The following MAN1A2 variants were observed in gnomAD, a reference collection of about 807,000 sequenced individuals.
The protein encoded by MAN1A2 is mannosyl-oligosaccharide 1,2-alpha-mannosidase IB.
MAN1A2 carries 26 observed loss-of-function variants against 75.7 expected under a neutral mutation model. That is an observed-to-expected ratio of 0.34 (90% CI 0.25 to 0.48). MAN1A2 has a LOEUF of 0.48. Among genes scored for constraint, MAN1A2 ranks in the 20% least tolerant of loss-of-function variants. The probability of loss-of-function intolerance (pLI) is 0.99; values close to 1 mark genes in which losing one functional copy is unlikely to be tolerated. For synonymous variants in MAN1A2, 247 were observed against 264.6 expected, an observed-to-expected ratio of 0.93 and a Z score of 0.65; for missense variants, 562 against 775.5, an observed-to-expected ratio of 0.72 and a Z score of 3.27.
At chr1:117,429,860 A>AC (rs1414677443) in intron 5 of MAN1A2, among the ~76,000 whole-genome samples, 6 of 46,554 alleles carry the variant, frequency 1.3e-4, no homozygotes, top group African/African-American at 1.7e-4. Context: ...CGGGGGGCCG[A>AC]CCCCCCCACC....
chr1:117,396,483 G>A (rs1371661622), intron 1 of MAN1A2, among the ~76,000 whole-genome samples: 1 of 152,132 alleles, frequency 6.6e-6, no homozygotes, highest in Non-Finnish European at 1.5e-5. Context: ...TTAAAAATAT[G>A]TATATAAGAG....
At chr1:117,514,883 C>A (rs1333585601) in intron 12 of MAN1A2, 1 of 532,948 alleles carries the variant, frequency 1.9e-6, no homozygotes, top group Admixed American at 1.9e-5. Context: ...GTTTTTCCAG[C>A]TGGATGAAAA....
chr1:117,412,111 C>G (rs1210662370), intron 3 of MAN1A2, among the ~76,000 whole-genome samples: 1 of 151,698 alleles, frequency 6.6e-6, no homozygotes, highest in African/African-American at 2.4e-5. Context: ...AGTTATCATC[C>G]TTAAAATTAA....
chr1:117,523,058 T>G lies in MAN1A2; in HGVS notation c.*101T>G. ...GCTTTTGAAAACCTGGACCTCTATG[T>G]CAACATGACAGGGTGAAACTATTCC... On this transcript the variant is annotated 3_prime_UTR_variant, in exon 13 of 13. Transcript: ENST00000356554. The G allele has an allele frequency of 8.0e-7, 1 of 1,250,826 alleles. No homozygotes were observed. The highest frequency in any genetic ancestry group is 1.3e-5 in the South Asian group (1 of 79,170). The allele number at this position is 1,250,826 out of a possible 1,614,324, so 77.5% of individuals were successfully genotyped here. A position where few individuals can be genotyped will look rare whatever the true frequency, so the allele number is the denominator to read the frequency against.
chr1:117,378,360 A>G (rs993591369), intron 1 of MAN1A2, among the ~76,000 whole-genome samples: 5 of 152,166 alleles, frequency 3.3e-5, no homozygotes, highest in Non-Finnish European at 7.3e-5. Flanking sequence ...ATGTTTTTAA[A>G]CATTATTTAT....
intron 4 of MAN1A2, among the ~76,000 whole-genome samples, chr1:117,419,920 C>A (rs576096730): frequency 4.1e-4 from 62 of 152,044 alleles, no homozygotes; most frequent in African/African-American, 1.5e-3. Flanking sequence ...TAAGTACCTG[C>A]TTTCTCAGGG....
At chr1:117,451,103 A>G (rs982125020) in intron 6 of MAN1A2, among the ~76,000 whole-genome samples, 2 of 152,202 alleles carry the variant, frequency 1.3e-5, no homozygotes, top group African/African-American at 4.8e-5. Flanking sequence ...AGGTTGGGCT[A>G]TACCCTGCAA....
intron 9 of MAN1A2, among the ~76,000 whole-genome samples, chr1:117,495,858 T>A (rs1203178942): frequency 6.6e-6 from 1 of 151,944 alleles, no homozygotes; most frequent in Non-Finnish European, 1.5e-5. Flanking sequence ...AATCCAAAGA[T>A]AATTATCATT....
intron 1 of MAN1A2, among the ~76,000 whole-genome samples, chr1:117,381,936 G>A (rs201390854): frequency 2.5e-4 from 38 of 151,738 alleles, no homozygotes; most frequent in Non-Finnish European, 3.4e-4. Flanking sequence ...CTGATGGCCA[G>A]TGATGATGAG....
intron 6 of MAN1A2, among the ~76,000 whole-genome samples, chr1:117,455,413 T>C (rs1400040653): frequency 6.6e-6 from 1 of 152,136 alleles, no homozygotes; most frequent in Non-Finnish European, 1.5e-5. Flanking sequence ...ACTTGGTTTG[T>C]ATACCAGTCT....
chr1:117,451,182 G>A (rs930887328), intron 6 of MAN1A2, among the ~76,000 whole-genome samples: 24 of 152,246 alleles, frequency 1.6e-4, no homozygotes, highest in African/African-American at 4.8e-4. Flanking sequence ...CTGGATGTGA[G>A]ACATGGAGTC....
At chr1:117,475,945 C>A (rs1389242816) in intron 8 of MAN1A2, among the ~76,000 whole-genome samples, 1 of 152,162 alleles carries the variant, frequency 6.6e-6, no homozygotes, top group Non-Finnish European at 1.5e-5. Flanking sequence ...ACCACACTAT[C>A]TTCCCCAATG....
intron 9 of MAN1A2, 105 bp from the exon 10 acceptor site, chr1:117,496,658 A>C (rs1047855424): frequency 1.3e-6 from 1 of 785,242 alleles, no homozygotes; most frequent in African/African-American, 1.8e-5. Context: ...TTACTACTTT[A>C]TAGACTATCA....
At chr1:117,502,751 A>T (rs755022748) in intron 11 of MAN1A2, 104 bp from the exon 12 acceptor site, 4 of 661,406 alleles carry the variant, frequency 6.0e-6, no homozygotes, top group African/African-American at 3.7e-5. Flanking sequence ...TCAAATTTTC[A>T]TACAAATCTT....
intron 8 of MAN1A2, among the ~76,000 whole-genome samples, chr1:117,474,766 C>T (rs924313678): frequency 6.6e-6 from 1 of 151,818 alleles, no homozygotes; most frequent in South Asian, 2.1e-4. Context: ...TAGGTGTACA[C>T]CTATGGAAAT....
chr1:117,511,891 G>T (rs946578048), intron 12 of MAN1A2, among the ~76,000 whole-genome samples: 6 of 151,908 alleles, frequency 3.9e-5, no homozygotes, highest in Admixed American at 3.9e-4. Flanking sequence ...TTGTATATTT[G>T]GGTTATTGTT....
intron 7 of MAN1A2, among the ~76,000 whole-genome samples, chr1:117,461,349 A>G (rs929176987): frequency 3.3e-5 from 5 of 152,154 alleles, no homozygotes; most frequent in Admixed American, 2.6e-4. Context: ...AGCTAAAATA[A>G]ATTGATCTCA....
At chr1:117,457,198 A>G (rs1428074704) in intron 6 of MAN1A2, among the ~76,000 whole-genome samples, 1 of 152,118 alleles carries the variant, frequency 6.6e-6, no homozygotes, top group Admixed American at 6.6e-5. Flanking sequence ...TTTACCAAAC[A>G]TTTTTAGAAT....
intron 4 of MAN1A2, among the ~76,000 whole-genome samples, chr1:117,418,915 G>A (rs1477509837): frequency 6.6e-6 from 1 of 152,102 alleles, no homozygotes; most frequent in African/African-American, 2.4e-5. Flanking sequence ...TATATTAGAT[G>A]GTCAGAAAAA....
Sources: gnomAD v4.1 joint callset for allele counts (sites outside exome capture counted in the v4.1 genomes callset) on GRCh38, gnomAD v4.1.1 for gene constraint, MANE v1.5 for transcripts, NCBI Gene and HGNC (gene_info 2026-07-23, HGNC 2026-07-21) for gene names.